SPATA6: variants seen among roughly 807,000 people sequenced by gnomAD.
SPATA6 encodes the protein spermatogenesis associated 6, also known as spermatogenesis-associated protein 6.
A neutral mutation model predicts 65.3 loss-of-function variants in SPATA6; 56 were observed. That is an observed-to-expected ratio of 0.86 (90% CI 0.69 to 1.07). The LOEUF (loss-of-function observed/expected upper bound fraction) is 1.07, where lower values mean the gene tolerates loss of function less well. Among genes scored for constraint, SPATA6 ranks in the 50% least tolerant of loss-of-function variants. SPATA6 has a pLI of 0.00. For missense variants in SPATA6, 590 were observed against 594.8 expected (o/e 0.99, Z 0.08); for synonymous variants, 199 against 213.2 (o/e 0.93, Z 0.58).
At chr1:48,264,399 T>A in the SPATA6 span, among the ~76,000 whole-genome samples, 1 of 152,186 alleles carries the variant, frequency 6.6e-6, no homozygotes, top group Admixed American at 6.5e-5. Flanking sequence ...CTTTAAGTTC[T>A]GGGATGCATG....
intron 3 of SPATA6, among the ~76,000 whole-genome samples, chr1:48,423,871 G>T (rs1443409608): frequency 6.6e-6 from 1 of 151,806 alleles, no homozygotes; most frequent in Non-Finnish European, 1.5e-5. Flanking sequence ...AAATTGTGTA[G>T]GTACATACAT....
rs952042897 is a variant in SPATA6, at chr1:48,297,880, A to G, written c.*833T>C. 2.0e-5 allele frequency: 3 copies of G among 152,048 alleles called. No homozygotes were observed. The highest frequency in any genetic ancestry group is 7.2e-5 in the African/African-American group (3 of 41,408). The allele number at this position is 152,048 out of a possible 1,614,324, so 9.4% of individuals were successfully genotyped here. ...GGATACTATAATAGTGCCTTGGGCC[A>G]TATGGTACTTACACAAATTCCAAGC... On this transcript the variant is annotated 3_prime_UTR_variant, in exon 13 of 13. Coordinates refer to ENST00000371847, the MANE Select transcript of SPATA6 (RefSeq NM_019073.4).
intron 11 of SPATA6, among the ~76,000 whole-genome samples, chr1:48,307,618 T>C (rs1645094221): frequency 6.6e-6 from 1 of 151,458 alleles, no homozygotes; most frequent in Admixed American, 6.6e-5. Context: ...TTTTAAGTAA[T>C]ATAATGTGAC....
At chr1:48,320,831 A>C (rs1383155339) in intron 11 of SPATA6, among the ~76,000 whole-genome samples, 1 of 152,218 alleles carries the variant, frequency 6.6e-6, no homozygotes, top group Non-Finnish European at 1.5e-5. Flanking sequence ...CAGTAAAGTA[A>C]GATAAAAATA....
chr1:48,472,109 C>T lies in SPATA6; in HGVS notation c.-101G>A. The T allele has an allele frequency of 1.0e-6, 1 of 978,312 alleles. No homozygotes were observed. Among genetic ancestry groups the T allele is most frequent in the Non-Finnish European group, 1.4e-6 (1 of 702,842 alleles). The allele number at this position is 978,312 out of a possible 1,614,324, so 60.6% of individuals were successfully genotyped here. ...GGACGGGGAGGAGACGAGGTGGCGG[C>T]GGCGGTGGCAGCAGTGGCCCCCAGG... On this transcript the variant is annotated 5_prime_UTR_variant, in exon 1 of 13. Coordinates refer to ENST00000371847, the MANE Select transcript of SPATA6 (RefSeq NM_019073.4).
intron 9 of SPATA6, among the ~76,000 whole-genome samples, chr1:48,366,534 G>C (rs886962586): frequency 6.6e-6 from 1 of 152,168 alleles, no homozygotes; most frequent in Non-Finnish European, 1.5e-5. Context: ...GAGGGTGTAT[G>C]TGTCTACGAA....
Position 48,395,299 on chromosome 1 carries a change from C to T in SPATA6, c.836G>A (p.Cys279Tyr), listed in dbSNP as rs1223660167. 1.9e-6 allele frequency: 3 copies of T among 1,569,128 alleles called. No homozygotes were observed. ...DTLLGSSGRD[C>Y]ERDGWSRVHN... Reference sequence around the variant, plus strand: ...CACCCTTGACCATCCATCTCTTTCACAGTCTCTTCCAGAAGATCCCAATAA... The same window carrying T: ...CACCCTTGACCATCCATCTCTTTCATAGTCTCTTCCAGAAGATCCCAATAA... The change falls in exon 8 of 13, where the codon TGT (cysteine) becomes TAT (tyrosine). Residue 279 changes from cysteine (C) to tyrosine (Y), a missense_variant. Coordinates refer to ENST00000371847, the MANE Select transcript of SPATA6 (RefSeq NM_019073.4).
the SPATA6 span, among the ~76,000 whole-genome samples, chr1:48,265,006 T>C: frequency 4.6e-5 from 7 of 152,318 alleles, no homozygotes; most frequent in Non-Finnish European, 1.0e-4. Flanking sequence ...CATGCCTCCA[T>C]GCAAGCTCTA....
In SPATA6 at chr1:48,329,753, C is replaced by T. The variant is rs569587293; in HGVS notation, c.1195-23875G>A. Among the ~76,000 whole-genome samples, 10 of 152,300 alleles carry T rather than the reference C, an allele frequency of 6.6e-5. 1 individual carries two copies. In the South Asian group the frequency reaches 2.1e-3, roughly 32 times the overall value. On this transcript the variant is annotated intron_variant, in intron 11 of 12. Transcript: ENST00000371847. ...GAGAGCACAAAGGAGTAAAGTTGGG[C>T]ACCGCCCATCTGAGCTCAGCGCAGA...
intron 5 of SPATA6, 25 bp downstream of exon 5, chr1:48,411,439 G>T: frequency 6.3e-7 from 1 of 1,594,466 alleles, no homozygotes; most frequent in South Asian, 1.1e-5. Context: ...ATCAAAAACT[G>T]ATTCAGAAAA....
At chr1:48,284,389 G>A in the SPATA6 span, among the ~76,000 whole-genome samples, 22 of 152,062 alleles carry the variant, frequency 1.4e-4, no homozygotes, top group Non-Finnish European at 2.1e-4. Context: ...CCTTTAGTTC[G>A]AAGGAGTTTG....
chr1:48,338,545 G>A (rs561193878), intron 11 of SPATA6, among the ~76,000 whole-genome samples: 18 of 151,994 alleles, frequency 1.2e-4, no homozygotes, highest in Non-Finnish European at 2.2e-4. Flanking sequence ...CTTTTAACCT[G>A]GAGATACTTG....
Position 48,356,510 on chromosome 1 carries a change from C to CTTTTTTT in SPATA6, c.1095-748_1095-742dup, listed in dbSNP as rs910154922. Among the ~76,000 whole-genome samples the CTTTTTTT allele has an allele frequency of 1.7e-4, 21 of 122,728 alleles. 2 individuals carry two copies. The highest frequency in any genetic ancestry group is 5.2e-4 in the African/African-American group (17 of 32,814). 80.5% of individuals were successfully genotyped at this position (122,728 alleles called of 152,430 possible). On this transcript the variant is annotated intron_variant, in intron 10 of 12. Transcript: ENST00000371847. ...TTGTTTTCTTCCCAGTTTGTCCTTT[C>CTTTTTTT]TTTTTTTTTTTTTTTTTTTTTGACA...
At chr1:48,369,507 C>G (rs1055616482) in intron 9 of SPATA6, among the ~76,000 whole-genome samples, 1 of 152,244 alleles carries the variant, frequency 6.6e-6, no homozygotes, top group African/African-American at 2.4e-5. Context: ...AGCCTGGCTG[C>G]CGCCTTGCAG....
chr1:48,279,591 T>G, the SPATA6 span, among the ~76,000 whole-genome samples: 3 of 152,170 alleles, frequency 2.0e-5, no homozygotes, highest in African/African-American at 7.2e-5. Context: ...AAGAAGCCCA[T>G]TACATAATGG....
chr1:48,369,170 T>C (rs1479566347), intron 9 of SPATA6, among the ~76,000 whole-genome samples: 1 of 152,064 alleles, frequency 6.6e-6, no homozygotes, highest in African/African-American at 2.4e-5. Context: ...CTCAGAGGAG[T>C]ACCCGGCCGT....
At chr1:48,279,998 C>T in the SPATA6 span, among the ~76,000 whole-genome samples, 2 of 152,334 alleles carry the variant, frequency 1.3e-5, no homozygotes, top group East Asian at 3.9e-4. Flanking sequence ...GACCACAGTG[C>T]AATCAAACTA....
At chr1:48,261,462 A>G in the SPATA6 span, among the ~76,000 whole-genome samples, 1 of 150,502 alleles carries the variant, frequency 6.6e-6, no homozygotes, top group Non-Finnish European at 1.5e-5. Context: ...TATTATGGCT[A>G]ATAATTTTTT....
intron 7 of SPATA6, 119 bp downstream of exon 7, chr1:48,399,232 A>C: frequency 8.5e-7 from 1 of 1,170,916 alleles, no homozygotes; most frequent in Non-Finnish European, 1.2e-6. Context: ...CTAGGGTAGC[A>C]GTCAGAAGAG....
Sources: allele counts gnomAD v4.1 joint callset (sites outside exome capture counted in the v4.1 genomes callset), GRCh38; gene constraint gnomAD v4.1.1; transcripts MANE v1.5; gene names NCBI Gene and HGNC (gene_info 2026-07-23, HGNC 2026-07-21).